Variants in RARB observed in about 807,000 individuals in gnomAD.
RARB encodes retinoic acid receptor beta.
A neutral mutation model predicts 51.9 loss-of-function variants in RARB; 17 were observed. The observed-to-expected ratio is 0.33, with a 90% CI of 0.22 to 0.49. RARB has a LOEUF of 0.49. RARB is among the 20% of genes least tolerant of loss of function. RARB has a pLI of 0.99. For missense variants in RARB, 369 were observed against 550.8 expected (o/e 0.67, Z 3.30); for synonymous variants, 215 against 195.4 (o/e 1.10, Z -0.84).
chr3:25,202,047 G>A (rs1242469167), intron 5 of RARB, among the ~76,000 whole-genome samples: 2 of 152,182 alleles, frequency 1.3e-5, no homozygotes, highest in Non-Finnish European at 2.9e-5. Flanking sequence ...GAATTCAGCT[G>A]TGAATCTGTC....
At chr3:25,187,885 A>G (rs1385718405) in intron 5 of RARB, among the ~76,000 whole-genome samples, 1 of 152,142 alleles carries the variant, frequency 6.6e-6, no homozygotes, top group Non-Finnish European at 1.5e-5. Flanking sequence ...TGTGTTTGAG[A>G]CAACACAGAT....
intron 2 of RARB, among the ~76,000 whole-genome samples, chr3:24,913,830 T>A (rs893011672): frequency 1.3e-5 from 2 of 152,162 alleles, no homozygotes; most frequent in Non-Finnish European, 2.9e-5. Context: ...AAAAGCAACA[T>A]AAAAGTGGAT....
chr3:25,569,061 G>C (rs572550606), intron 3 of RARB, among the ~76,000 whole-genome samples: 1 of 152,262 alleles, frequency 6.6e-6, no homozygotes. Flanking sequence ...TGTGGGTCCA[G>C]TGTTCCAGAC....
intron 5 of RARB, among the ~76,000 whole-genome samples, chr3:25,418,381 AT>A (rs1483145892): frequency 1.3e-5 from 2 of 152,212 alleles, no homozygotes; most frequent in Non-Finnish European, 2.9e-5. Context: ...AAATTATTGC[AT>A]TTAATTCTCC....
Position 25,415,363 on chromosome 3 carries a change from T to C in RARB, c.179-45830T>C, listed in dbSNP as rs556102576. Among the ~76,000 whole-genome samples the C allele has an allele frequency of 2.0e-5, 3 of 152,242 alleles. No individual in the cohort carries two copies. The East Asian group carries it at 5.8e-4, about 29-fold the overall frequency. On this transcript the variant is annotated intron_variant, in intron 5 of 11. Coordinates refer to the RARB transcript ENST00000383772. ...AGGTCCAGGATCCATTTTGAGTGAA[T>C]TTTTGCATATGCTGTGGGTTATGGA...
chr3:24,995,177 T>C (rs1418836935), intron 2 of RARB, among the ~76,000 whole-genome samples: 2 of 151,856 alleles, frequency 1.3e-5, no homozygotes, highest in African/African-American at 2.4e-5. Context: ...ATCAGTGTTT[T>C]GTAGTTTTTT....
chr3:25,474,297 C>G (rs1288353809), intron 2 of RARB, among the ~76,000 whole-genome samples: 5 of 152,188 alleles, frequency 3.3e-5, no homozygotes, highest in African/African-American at 7.2e-5. Context: ...TCTTACTTCT[C>G]TGTATTGTAC....
At chr3:25,099,505 G>T (rs1258293251) in intron 3 of RARB, among the ~76,000 whole-genome samples, 8 of 151,240 alleles carry the variant, frequency 5.3e-5, no homozygotes, top group Non-Finnish European at 7.4e-5. Context: ...AGATTAAGAT[G>T]CATATGTATC....
At chr3:24,879,944 AGTTTTGT>A (rs1264688173) in intron 2 of RARB, among the ~76,000 whole-genome samples, 8 of 146,504 alleles carry the variant, frequency 5.5e-5, no homozygotes, top group African/African-American at 2.1e-4. Flanking sequence ...AAAGTTCTTG[AGTTTTGT>A]GTTACGCCTC....
At chr3:25,397,885 T>C (rs1422089478) in intron 5 of RARB, among the ~76,000 whole-genome samples, 2 of 44,802 alleles carry the variant, frequency 4.5e-5, no homozygotes, top group Non-Finnish European at 1.0e-4. Flanking sequence ...TTGTTTTGAT[T>C]AGAAAAAAAA....
upstream of RARB, among the ~76,000 whole-genome samples, chr3:25,427,225 C>G (rs1708018215): frequency 6.6e-6 from 1 of 152,142 alleles, no homozygotes; most frequent in Admixed American, 6.5e-5. Context: ...TTGGGTAGGT[C>G]TCATCTCCCC....
At chr3:24,952,878 T>G (rs1357241836) in intron 2 of RARB, among the ~76,000 whole-genome samples, 3 of 149,970 alleles carry the variant, frequency 2.0e-5, no homozygotes, top group Admixed American at 2.0e-4. Context: ...AACTGGTATT[T>G]TTTTTGTTTG....
intron 5 of RARB, among the ~76,000 whole-genome samples, chr3:25,382,164 T>A (rs1160294623): frequency 6.6e-6 from 1 of 152,186 alleles, no homozygotes; most frequent in African/African-American, 2.4e-5. Flanking sequence ...GAAGACACAT[T>A]AAAACAAAGA....
At chr3:24,961,961 G>T (rs1380769980) in intron 2 of RARB, among the ~76,000 whole-genome samples, 1 of 100,820 alleles carries the variant, frequency 9.9e-6, no homozygotes, top group Non-Finnish European at 1.8e-5. Flanking sequence ...ACAGAGTCTT[G>T]CTCTGTCGCC....
intron 5 of RARB, among the ~76,000 whole-genome samples, chr3:25,406,590 A>T (rs1331402191): frequency 6.6e-6 from 1 of 152,142 alleles, no homozygotes; most frequent in Non-Finnish European, 1.5e-5. Context: ...TTGGATTAGG[A>T]CTCCACCCTA....
At chr3:24,987,963 TC>T (rs527528185) in intron 2 of RARB, among the ~76,000 whole-genome samples, 15 of 42,396 alleles carry the variant, frequency 3.5e-4, no homozygotes, top group African/African-American at 1.3e-3. Context: ...GACCTTTCAT[TC>T]CATTTTTTTT....
At chr3:25,215,462 CA>C (rs1450342039) in intron 5 of RARB, among the ~76,000 whole-genome samples, 4 of 152,094 alleles carry the variant, frequency 2.6e-5, no homozygotes, top group Admixed American at 6.5e-5. Context: ...TGACCATTCA[CA>C]TAGTTGTGAA....
At chr3:25,438,742 T>G (rs558219916) in intron 1 of RARB, among the ~76,000 whole-genome samples, 11 of 152,266 alleles carry the variant, frequency 7.2e-5, no homozygotes, top group Admixed American at 5.9e-4. Flanking sequence ...GAGTGAAGAA[T>G]TCCTGAAAAA....
intron 5 of RARB, among the ~76,000 whole-genome samples, chr3:25,231,260 G>A (rs558587742): frequency 6.6e-6 from 1 of 152,266 alleles, no homozygotes; most frequent in South Asian, 2.1e-4. Flanking sequence ...ACAGGGTCCA[G>A]CAAAGCAATG....
Sources: gnomAD v4.1 joint callset for allele counts (sites outside exome capture counted in the v4.1 genomes callset) on GRCh38, gnomAD v4.1.1 for gene constraint, MANE v1.5 for transcripts, NCBI Gene and HGNC (gene_info 2026-07-23, HGNC 2026-07-21) for gene names.